The following NRXN1 variants were observed in gnomAD, a reference collection of about 807,000 sequenced individuals.
The protein encoded by NRXN1 is neurexin-1.
A neutral mutation model predicts 150.9 loss-of-function variants in NRXN1; 39 were observed. The ratio of observed to expected loss-of-function variants is 0.26; its 90% CI spans 0.20 to 0.34. The LOEUF (loss-of-function observed/expected upper bound fraction) is 0.34. Ranked by LOEUF, NRXN1 falls within the 10% of genes least tolerant of loss-of-function variation. NRXN1 has a pLI of 1.00. For synonymous variants in NRXN1, 924 were observed against 757.0 expected (o/e 1.22, Z -3.62); for missense variants, 1,815 against 1,949.9 (o/e 0.93, Z 1.30).
chr2:50,117,394 G>C (rs892283582), intron 18 of NRXN1, among the ~76,000 whole-genome samples: 3 of 152,096 alleles, frequency 2.0e-5, no homozygotes, highest in African/African-American at 7.2e-5. Context: ...AGAGACCTGA[G>C]AGGGATTTTC....
At position 50,326,711 on chromosome 2, in the gene NRXN1, A is replaced by G. The variant is rs543720902; in HGVS notation, c.3365-89741T>C. 3.9e-5 allele frequency among the ~76,000 whole-genome samples: 6 copies of G among 152,302 alleles called. No homozygotes were observed. The South Asian group carries it at 1.2e-3, about 32-fold the overall frequency. On this transcript the variant is annotated intron_variant, in intron 17 of 22. Transcript: ENST00000401669. ...CTATGTATATAATTATATTCTATGT[A>G]CATAATTATATAGAGTTGATGCTAT...
intron 17 of NRXN1, among the ~76,000 whole-genome samples, chr2:50,401,426 T>C (rs974334162): frequency 5.3e-5 from 8 of 152,048 alleles, no homozygotes; most frequent in Non-Finnish European, 1.2e-4. Flanking sequence ...TGGCAAATGG[T>C]TTGATAACTG....
intron 18 of NRXN1, among the ~76,000 whole-genome samples, chr2:50,135,706 A>AAAAAC (rs1300328704): frequency 6.6e-6 from 1 of 152,008 alleles, no homozygotes; most frequent in African/African-American, 2.4e-5. Flanking sequence ...ACAAAAAACG[A>AAAAAC]AAAACAAAAC....
intron 5 of NRXN1, among the ~76,000 whole-genome samples, chr2:50,851,727 G>A (rs1472479372): frequency 6.6e-6 from 1 of 152,104 alleles, no homozygotes; most frequent in East Asian, 1.9e-4. Context: ...ACATACAGGA[G>A]AGACCAAAAA....
At chr2:50,923,383 A>G (rs1443339434) in intron 3 of NRXN1, 1 of 289,062 alleles carries the variant, frequency 3.5e-6, no homozygotes, top group Non-Finnish European at 7.5e-6. Context: ...GATTTCACCT[A>G]AATATTTCTT....
At chr2:50,132,306 C>CT (rs71401059) in intron 18 of NRXN1, among the ~76,000 whole-genome samples, 2,042 of 139,380 alleles carry the variant, frequency 0.015, 30 homozygotes, top group Non-Finnish European at 0.02. Context: ...TCCCAAAACT[C>CT]TTTTTTTTTT....
At chr2:50,418,335 A>C (rs1180673184) in intron 17 of NRXN1, among the ~76,000 whole-genome samples, 1 of 152,068 alleles carries the variant, frequency 6.6e-6, no homozygotes, top group Non-Finnish European at 1.5e-5. Flanking sequence ...AATGTGGTTC[A>C]GACTCATTCC....
At chr2:50,005,511 A>G (rs1009584595) in intron 21 of NRXN1, among the ~76,000 whole-genome samples, 10 of 152,132 alleles carry the variant, frequency 6.6e-5, no homozygotes, top group Admixed American at 4.6e-4. Flanking sequence ...ACAGTTGTCC[A>G]AAGCCTTTAG....
At chr2:50,424,145 G>GGGGGAGGAGGAA (rs2084256651) in intron 17 of NRXN1, among the ~76,000 whole-genome samples, 1 of 85,168 alleles carries the variant, frequency 1.2e-5, no homozygotes, top group East Asian at 7.9e-4. Flanking sequence ...GAGGAGGAGG[G>GGGGGAGGAGGAA]GGGGAGGAGG....
At chr2:50,600,430 T>C (rs1297241467) in intron 8 of NRXN1, among the ~76,000 whole-genome samples, 1 of 149,914 alleles carries the variant, frequency 6.7e-6, no homozygotes, top group East Asian at 2.0e-4. Flanking sequence ...GTTCAAGTAA[T>C]TCTCCTGCCT....
intron 17 of NRXN1, among the ~76,000 whole-genome samples, chr2:50,295,020 T>C (rs897051513): frequency 6.6e-6 from 1 of 152,192 alleles, no homozygotes; most frequent in Admixed American, 6.5e-5. Flanking sequence ...GCAAACTATA[T>C]TAACTATTGG....
At chr2:50,721,201 TC>T (rs1696602990) in intron 5 of NRXN1, among the ~76,000 whole-genome samples, 1 of 152,036 alleles carries the variant, frequency 6.6e-6, no homozygotes, top group African/African-American at 2.4e-5. Context: ...TACCTTAAAT[TC>T]CCAATCACAG....
At chr2:50,788,627 G>A (rs1386186412) in intron 5 of NRXN1, among the ~76,000 whole-genome samples, 5 of 151,980 alleles carry the variant, frequency 3.3e-5, no homozygotes, top group Non-Finnish European at 2.9e-5. Context: ...GAGAGAAAGA[G>A]AGAGACAGAA....
intron 5 of NRXN1, among the ~76,000 whole-genome samples, chr2:50,654,501 T>C (rs1686121329): frequency 6.6e-6 from 1 of 152,052 alleles, no homozygotes; most frequent in Non-Finnish European, 1.5e-5. Flanking sequence ...TGTGTGCATG[T>C]GTCTTTATAG....
intron 2 of NRXN1, among the ~76,000 whole-genome samples, chr2:50,942,083 G>A (rs1381761439): frequency 6.6e-6 from 1 of 152,322 alleles, no homozygotes; most frequent in Admixed American, 6.5e-5. Flanking sequence ...GCTAAAAGGG[G>A]AGAAGGCACA....
At chr2:50,745,799 G>A (rs1399503788) in intron 5 of NRXN1, among the ~76,000 whole-genome samples, 1 of 152,058 alleles carries the variant, frequency 6.6e-6, no homozygotes, top group African/African-American at 2.4e-5. Flanking sequence ...ACCATCATGA[G>A]AATAGCATGG....
chr2:50,953,360 A>G lies in NRXN1; in HGVS notation c.773-27405T>C, dbSNP rs555585190. 1.1e-4 allele frequency among the ~76,000 whole-genome samples: 17 copies of G among 152,302 alleles called. No individual in the cohort carries two copies. The East Asian group carries it at 1.9e-3, about 17-fold the overall frequency. On this transcript the variant is annotated intron_variant, in intron 2 of 22. Transcript: ENST00000401669. ...TGTCTGGAATATAGTAGTTAAGTCA[A>G]TAAGTATAGTTCATTTTCAGTTCAC...
chr2:50,505,155 A>G (rs949554897), intron 13 of NRXN1, among the ~76,000 whole-genome samples: 1 of 152,184 alleles, frequency 6.6e-6, no homozygotes, highest in Non-Finnish European at 1.5e-5. Flanking sequence ...CTTTCTATAG[A>G]GCCATACACT....
At chr2:50,617,789 T>C (rs1679293349) in intron 8 of NRXN1, among the ~76,000 whole-genome samples, 1 of 152,104 alleles carries the variant, frequency 6.6e-6, no homozygotes, top group Non-Finnish European at 1.5e-5. Context: ...TAAAAAAAAA[T>C]GAATACTAAG....
Sources: allele counts gnomAD v4.1 joint callset (sites outside exome capture counted in the v4.1 genomes callset), GRCh38; gene constraint gnomAD v4.1.1; transcripts MANE v1.5; gene names NCBI Gene and HGNC (gene_info 2026-07-23, HGNC 2026-07-21).